The following ANKRD62 variants were observed in gnomAD, a reference collection of about 807,000 sequenced individuals.
The protein encoded by ANKRD62 is ankyrin repeat domain 62.
A neutral mutation model predicts 98.8 loss-of-function variants in ANKRD62; 61 were observed. The observed-to-expected ratio is 0.62, with a 90% CI of 0.50 to 0.76. The LOEUF (loss-of-function observed/expected upper bound fraction) is 0.76, where lower values mean the gene tolerates loss of function less well. Among genes scored for constraint, ANKRD62 ranks in the 30% least tolerant of loss-of-function variants. The pLI, the probability that ANKRD62 is intolerant of heterozygous loss-of-function variation, is 0.00. For synonymous variants in ANKRD62, 341 were observed against 367.9 expected (o/e 0.93, Z 0.84); for missense variants, 933 against 1,082.9 (o/e 0.86, Z 1.94).
chr18:12,094,220 G>C lies in ANKRD62; in HGVS notation c.203G>C (p.Arg68Thr). The part of the protein sequence containing the change: ...ILLRLNDLND[R>T]DKKNRTALLL... ...CTCAGGCTGAATGACTTGAACGACAGGGACAAGAAGAACAGGTAAGGGGAA... is the reference window on the plus strand; with the variant it reads ...CTCAGGCTGAATGACTTGAACGACACGGACAAGAAGAACAGGTAAGGGGAA... The change falls in exon 1 of 14, where the codon AGG becomes ACG. Residue 68 changes from arginine to threonine, a missense_variant. Physicochemically the swap from Arg to Thr is moderately conservative, Grantham distance 71 (BLOSUM62 -1). Around this residue, in one of 3 missense-constraint regions of ANKRD62, gnomAD observed 549 missense variants for 587.9 expected, o/e 0.93. Transcript: ENST00000587848. The C allele has an allele frequency of 6.5e-7, 1 of 1,527,740 alleles. No individual in the cohort carries two copies. Among genetic ancestry groups the C allele is most frequent in the Non-Finnish European group, 8.7e-7 (1 of 1,145,276 alleles). 94.6% of individuals were successfully genotyped at this position (1,527,740 alleles called of 1,614,324 possible). A position where few individuals can be genotyped will look rare whatever the true frequency, so the allele number is the denominator to read the frequency against.
the ANKRD62 span, among the ~76,000 whole-genome samples, chr18:12,173,949 G>A: frequency 1.3e-5 from 2 of 152,126 alleles, no homozygotes; most frequent in African/African-American, 4.8e-5. Context: ...ACCTTGGAGA[G>A]TATCTGATAA....
At chr18:12,150,804 C>T in the ANKRD62 span, among the ~76,000 whole-genome samples, 1 of 152,148 alleles carries the variant, frequency 6.6e-6, no homozygotes, top group Non-Finnish European at 1.5e-5. Context: ...TTGAAAGGAG[C>T]ACTAAATATA....
rs551736618 is a variant in ANKRD62 at position 12,105,587 on chromosome 18, GGCCACTT to G, written c.892-1705_892-1699del. 1.4e-4 allele frequency among the ~76,000 whole-genome samples: 22 copies of G among 152,190 alleles called. No homozygotes were observed. The South Asian group carries it at 4.6e-3, about 32-fold the overall frequency. On this transcript the variant is annotated intron_variant, in intron 7 of 13. Transcript: ENST00000587848. ...AAGAAAAGTTCAGAAAGATTTACAG[GGCCACTT>G]GCTGCCACTCGTTTTTTTTCTCTTG... is the stretch of plus-strand genomic sequence containing the variant.
chr18:12,137,178 G>A, the ANKRD62 span, among the ~76,000 whole-genome samples: 10 of 152,282 alleles, frequency 6.6e-5, no homozygotes, highest in East Asian at 1.9e-3. Context: ...GATATTGGCT[G>A]TGGGTTTGTC....
At chr18:12,115,645 C>A in intron 10 of ANKRD62, 111 bp downstream of exon 10, 1 of 916,816 alleles carries the variant, frequency 1.1e-6, no homozygotes, top group Non-Finnish European at 1.5e-6. Context: ...ATGTTCATCT[C>A]GGAAATATCC....
chr18:12,176,135 T>A, the ANKRD62 span, among the ~76,000 whole-genome samples: 7 of 151,912 alleles, frequency 4.6e-5, no homozygotes, highest in Admixed American at 4.6e-4. Context: ...GAGGTTGCAG[T>A]GAGCTGAGAC....
intron 11 of ANKRD62, among the ~76,000 whole-genome samples, chr18:12,123,910 A>G (rs1317180038): frequency 6.6e-6 from 1 of 152,220 alleles, no homozygotes; most frequent in Non-Finnish European, 1.5e-5. Flanking sequence ...CCTTTTCCAT[A>G]ATATTTACGA....
Position 12,127,785 on chromosome 18 carries a change from C to A in ANKRD62, c.2600C>A (p.Ala867Asp). Residue 867 changes from alanine to aspartate, a missense_variant, in exon 14 of 14, where the codon GCC becomes GAC. Ala to Asp is a moderately radical substitution (Grantham distance 126). This residue lies in a region of ANKRD62 where 362 missense variants were observed against 434.5 expected (regional missense o/e 0.83). Transcript: ENST00000587848. ...CAGCTTCAACGAGAAGTGGATGATG[C>A]CCTGAACAAACAATTGCTGTTAGAA... ...RRQLQREVDD[A>D]LNKQLLLEAM... 6.8e-7 allele frequency: 1 copy of A among 1,480,484 alleles called. No individual in the cohort carries two copies. The highest frequency in any genetic ancestry group is 8.9e-7 in the Non-Finnish European group (1 of 1,122,036). The allele number at this position is 1,480,484 out of a possible 1,614,324, so 91.7% of individuals were successfully genotyped here. A position where few individuals can be genotyped will look rare whatever the true frequency, so the allele number is the denominator to read the frequency against.
chr18:12,121,918 T>TTGCTTCCTCCTTTGCTCAAC (rs1169411042), intron 10 of ANKRD62, among the ~76,000 whole-genome samples: 1 of 152,212 alleles, frequency 6.6e-6, no homozygotes. Context: ...CCAGAGCGCT[T>TTGCTTCCTCCTTTGCTCAAC]TGCTTCCTCC....
At chr18:12,102,065 AG>A (rs1477581893) in intron 6 of ANKRD62, 1 of 1,390,856 alleles carries the variant, frequency 7.2e-7, no homozygotes, top group Non-Finnish European at 1.0e-6. Context: ...AGCCCAGCAA[AG>A]GTTAAAGCTG....
At chr18:12,135,945 C>T in the ANKRD62 span, among the ~76,000 whole-genome samples, 6 of 152,000 alleles carry the variant, frequency 3.9e-5, no homozygotes, top group Non-Finnish European at 7.4e-5. Context: ...GGATATTAGC[C>T]CTTTGTCAGA....
chr18:12,119,101 G>A (rs1319179458), intron 10 of ANKRD62, among the ~76,000 whole-genome samples: 1 of 151,858 alleles, frequency 6.6e-6, no homozygotes, highest in Non-Finnish European at 1.5e-5. Flanking sequence ...ATTGCTTCTT[G>A]GTTAAGATTT....
At chr18:12,150,169 T>G in the ANKRD62 span, among the ~76,000 whole-genome samples, 1 of 152,122 alleles carries the variant, frequency 6.6e-6, no homozygotes, top group East Asian at 1.9e-4. Flanking sequence ...ATTGCAAGTA[T>G]TAACAGGAGA....
Position 12,127,769 on chromosome 18 carries a change from C to A in ANKRD62, c.2584C>A (p.Arg862=). ...CCAGGTAGTCAGGAGACAGCTTCAA[C>A]GAGAAGTGGATGATGCCCTGAACAA... ...EREVVRRQLQ[R]EVDDALNKQL... Residue 862 remains arginine (R), a synonymous_variant, in exon 14 of 14, where the codon CGA becomes AGA. Coordinates refer to ENST00000587848, the MANE Select transcript of ANKRD62 (RefSeq NM_001277333.2). The A allele has an allele frequency of 1.4e-6, 2 of 1,431,160 alleles. No homozygotes were observed. Among genetic ancestry groups the A allele is most frequent in the Non-Finnish European group, 1.8e-6 (2 of 1,098,520 alleles). The allele number at this position is 1,431,160 out of a possible 1,614,324, so 88.7% of individuals were successfully genotyped here.
chr18:12,137,945 T>C, the ANKRD62 span, among the ~76,000 whole-genome samples: 1 of 152,196 alleles, frequency 6.6e-6, no homozygotes. Flanking sequence ...TTTTCTTCTT[T>C]ATTAGTCTTG....
At chr18:12,178,130 C>G in the ANKRD62 span, among the ~76,000 whole-genome samples, 1 of 151,340 alleles carries the variant, frequency 6.6e-6, no homozygotes, top group South Asian at 2.1e-4. Flanking sequence ...CACTTTTTAC[C>G]CAAATTTGAG....
Position 12,126,222 on chromosome 18 carries a change from G to A in ANKRD62, c.2401G>A (p.Glu801Lys). ...NDARKKADNQ[E>K]KTIINIQVKC... ...TGCTCGCAAGAAAGCTGACAATCAG[G>A]AGAAAACAATAATTAATATCCAAGT... Residue 801 changes from glutamate to lysine, a missense_variant, in exon 13 of 14, where the codon GAG becomes AAG. Glu to Lys is a moderately conservative substitution (Grantham distance 56). Coordinates refer to ENST00000587848, the MANE Select transcript of ANKRD62 (RefSeq NM_001277333.2). 6.5e-7 allele frequency: 1 copy of A among 1,536,022 alleles called. No individual in the cohort carries two copies. Among genetic ancestry groups the A allele is most frequent in the Non-Finnish European group, 8.7e-7 (1 of 1,146,834 alleles).
chr18:12,102,460 G>T, intron 6 of ANKRD62: 1 of 444,876 alleles, frequency 2.2e-6, no homozygotes, highest in Non-Finnish European at 4.3e-6. Context: ...TCAGTCTCCA[G>T]AGAACCGCCA....
intron 7 of ANKRD62, among the ~76,000 whole-genome samples, chr18:12,105,958 G>A (rs1256033420): frequency 6.6e-6 from 1 of 152,198 alleles, no homozygotes; most frequent in Non-Finnish European, 1.5e-5. Flanking sequence ...CTTACTTAAA[G>A]TGGGAAATCA....
Sources: allele counts gnomAD v4.1 joint callset (sites outside exome capture counted in the v4.1 genomes callset), GRCh38; gene constraint gnomAD v4.1.1; regional missense constraint gnomAD v4.1.1; transcripts MANE v1.5; gene names NCBI Gene and HGNC (gene_info 2026-07-23, HGNC 2026-07-21).